CUX1: variants seen among roughly 807,000 people sequenced by gnomAD.
CUX1 encodes the protein cut like homeobox 1, also known as protein CASP.
In CUX1, 31 loss-of-function variants were observed where a neutral mutation model predicts 158.8. The observed-to-expected ratio is 0.20, with a 90% CI of 0.15 to 0.26. The LOEUF (loss-of-function observed/expected upper bound fraction) is 0.26, where lower values mean the gene tolerates loss of function less well. Among genes scored for constraint, CUX1 ranks in the 10% least tolerant of loss-of-function variants. The probability of loss-of-function intolerance (pLI) is 1.00; values close to 1 mark genes in which losing one functional copy is unlikely to be tolerated. For synonymous variants in CUX1, 879 were observed against 862.1 expected (o/e 1.02, Z -0.34); for missense variants, 1,589 against 2,014.6 (o/e 0.79, Z 4.04).
intron 1 of CUX1, among the ~76,000 whole-genome samples, chr7:101,833,282 C>T (rs1348534136): frequency 6.6e-6 from 1 of 151,030 alleles, no homozygotes; most frequent in Non-Finnish European, 1.5e-5. Flanking sequence ...AGCATGGTGG[C>T]TCACACCTGT....
intron 20 of CUX1, among the ~76,000 whole-genome samples, chr7:102,222,039 G>A (rs1422059554): frequency 5.3e-5 from 8 of 152,126 alleles, no homozygotes; most frequent in East Asian, 1.9e-4. Context: ...TGGGTGGTTC[G>A]CTGGAGCCCA....
intron 3 of CUX1, among the ~76,000 whole-genome samples, chr7:102,032,641 C>G (rs1459661717): frequency 2.6e-5 from 4 of 151,218 alleles, no homozygotes; most frequent in Non-Finnish European, 5.9e-5. Context: ...CCACTGTACT[C>G]TAGCCTGGGT....
intron 1 of CUX1, among the ~76,000 whole-genome samples, chr7:101,848,051 CAAAA>C (rs57428019): frequency 7.8e-3 from 513 of 65,374 alleles, no homozygotes; most frequent in Non-Finnish European, 0.01. Flanking sequence ...GAGCAAGACT[CAAAA>C]AAAAAAAAAA....
In CUX1 at chr7:102,111,851, C is replaced by T. The variant is rs183577628; in HGVS notation, c.607+77C>T. 7.7e-6 allele frequency: 10 copies of T among 1,295,104 alleles called. No individual in the cohort carries two copies. In the East Asian group the frequency reaches 1.7e-4, roughly 22 times the overall value. The allele number at this position is 1,295,104 out of a possible 1,614,324, so 80.2% of individuals were successfully genotyped here. A position where few individuals can be genotyped will look rare whatever the true frequency, so the allele number is the denominator to read the frequency against. On this transcript the variant is annotated intron_variant, in intron 7 of 23. Transcript: ENST00000292535. ...GAGTTGGGTCAGCCCCTGACCGCCC[C>T]GGTCCCCGCGGATACCTGTTGCTCT...
chr7:102,202,052 A>T lies in CUX1; in HGVS notation c.2755A>T (p.Met919Leu), dbSNP rs782173137. Reference protein sequence around the residue: ...SPLPSSPIVPMSKPTKPSVPP... With the variant: ...SPLPSSPIVPLSKPTKPSVPP... ...CCTGCCATCCTCCCCGATCGTGCCC[A>T]TGTCCAAGCCCACCAAGCCCTCGGT... Residue 919 changes from methionine (M) to leucine (L), a missense_variant, in exon 18 of 24, where the codon ATG becomes TTG. Around this residue, in one of 8 missense-constraint regions of CUX1, gnomAD observed 337 missense variants for 409.3 expected, o/e 0.82. Transcript: ENST00000292535. The T allele has an allele frequency of 1.3e-4, 203 of 1,613,958 alleles. No homozygotes were observed. The highest frequency in any genetic ancestry group is 1.7e-4 in the Non-Finnish European group (200 of 1,179,996).
chr7:101,982,395 CAG>C (rs1038630828), intron 2 of CUX1, among the ~76,000 whole-genome samples: 8 of 152,130 alleles, frequency 5.3e-5, no homozygotes, highest in African/African-American at 1.9e-4. Flanking sequence ...ACCTGCAAAA[CAG>C]GGACAGTTTT....
intron 15 of CUX1, among the ~76,000 whole-genome samples, chr7:102,198,500 TG>T (rs1439378345): frequency 6.6e-6 from 1 of 152,244 alleles, no homozygotes; most frequent in Non-Finnish European, 1.5e-5. Flanking sequence ...AGCTTTGTTC[TG>T]GGGGCTGGCG....
At position 102,253,925 on chromosome 7, in the gene CUX1, C is replaced by G. The variant is rs905317864; in HGVS notation, c.*4883C>G. 30 of 985,540 alleles carry G rather than the reference C, an allele frequency of 3.0e-5. No individual in the cohort carries two copies. The African/African-American group carries it at 5.2e-4, about 17-fold the overall frequency. The allele number at this position is 985,540 out of a possible 1,614,324, so 61.0% of individuals were successfully genotyped here. On this transcript the variant is annotated 3_prime_UTR_variant, in exon 24 of 24. Transcript: ENST00000292535. The stretch of plus-strand genomic sequence containing the variant: ...CCCTCTTCTTCACACTCCTCATTGT[C>G]CCTTCTACCTCACTAACCTGTCTTC...
chr7:101,885,692 C>G (rs1800150792), intron 1 of CUX1, among the ~76,000 whole-genome samples: 1 of 152,220 alleles, frequency 6.6e-6, no homozygotes, highest in Non-Finnish European at 1.5e-5. Flanking sequence ...GAGCACAGAG[C>G]AGGCATGGCC....
At chr7:102,013,696 G>A (rs1444495625) in intron 2 of CUX1, among the ~76,000 whole-genome samples, 3 of 152,062 alleles carry the variant, frequency 2.0e-5, no homozygotes, top group African/African-American at 4.8e-5. Context: ...ATATGCAAAC[G>A]CTTCTCATTT....
At chr7:101,840,265 C>G (rs746367586) in intron 1 of CUX1, among the ~76,000 whole-genome samples, 4 of 152,150 alleles carry the variant, frequency 2.6e-5, no homozygotes, top group Non-Finnish European at 5.9e-5. Context: ...CTGATTCTTA[C>G]AGTGGAGTGA....
chr7:102,028,257 C>G, intron 3 of CUX1, 112 bp downstream of exon 3: 1 of 1,092,636 alleles, frequency 9.2e-7, no homozygotes, highest in Non-Finnish European at 1.4e-6. Flanking sequence ...ATGGTGCCTT[C>G]CCGGCTGCTC....
intron 4 of CUX1, among the ~76,000 whole-genome samples, chr7:102,085,307 G>A (rs758746003): frequency 1.3e-5 from 2 of 152,094 alleles, no homozygotes; most frequent in Admixed American, 6.6e-5. Flanking sequence ...TTTTACTGAG[G>A]ACTTTTGCCG....
intron 3 of CUX1, among the ~76,000 whole-genome samples, chr7:102,052,109 T>C (rs1035559706): frequency 2.0e-5 from 3 of 151,838 alleles, no homozygotes; most frequent in African/African-American, 7.3e-5. Flanking sequence ...TAATCCCAGC[T>C]ACTCAGGAGA....
Position 101,957,782 on chromosome 7 carries a change from CAAT to C in CUX1, c.141+41560_141+41562del, listed in dbSNP as rs1809951665. ...AGAATGTTACTTTTTAATTTGAAAACAATAAGAAAATGTCCAAGTCTGCAAAAT... is the reference window on the plus strand; with the variant it reads ...AGAATGTTACTTTTTAATTTGAAAACAAGAAAATGTCCAAGTCTGCAAAAT... On this transcript the variant is annotated intron_variant, in intron 2 of 23. Coordinates refer to ENST00000292535, the MANE Select transcript of CUX1 (RefSeq NM_181552.4). Among the ~76,000 whole-genome samples, 4 of 152,066 alleles carry C rather than the reference CAAT, an allele frequency of 2.6e-5. No homozygotes were observed. The South Asian group carries it at 8.3e-4, about 32-fold the overall frequency.
intron 20 of CUX1, among the ~76,000 whole-genome samples, chr7:102,221,208 A>T (rs1192385755): frequency 6.6e-6 from 1 of 152,258 alleles, no homozygotes; most frequent in Non-Finnish European, 1.5e-5. Flanking sequence ...CGCCAGTTAA[A>T]TAATGTTTGG....
chr7:102,253,338 G>C lies in CUX1; in HGVS notation c.*4296G>C. 4.1e-6 allele frequency: 4 copies of C among 985,470 alleles called. No homozygotes were observed. The highest frequency in any genetic ancestry group is 3.6e-6 in the Non-Finnish European group (3 of 829,956). The allele number at this position is 985,470 out of a possible 1,614,324, so 61.0% of individuals were successfully genotyped here. A position where few individuals can be genotyped will look rare whatever the true frequency, so the allele number is the denominator to read the frequency against. On this transcript the variant is annotated 3_prime_UTR_variant, in exon 24 of 24. Coordinates refer to ENST00000292535, the MANE Select transcript of CUX1 (RefSeq NM_181552.4). ...TGCAGCTCATGACCAGTTTACACAG[G>C]CTGCAAAGAGATCGCTGTGGGCCTC... is the stretch of plus-strand genomic sequence containing the variant.
chr7:101,953,473 C>A (rs1809357972), intron 2 of CUX1, among the ~76,000 whole-genome samples: 1 of 152,040 alleles, frequency 6.6e-6, no homozygotes, highest in Admixed American at 6.6e-5. Context: ...TTTACCTTGC[C>A]CCTTTTTAAA....
At chr7:102,122,546 C>T (rs1554493807) in intron 8 of CUX1, among the ~76,000 whole-genome samples, 1 of 152,106 alleles carries the variant, frequency 6.6e-6, no homozygotes, top group Non-Finnish European at 1.5e-5. Flanking sequence ...GTAGTAACAC[C>T]AGCTGTCTTG....
Sources: gnomAD v4.1 joint callset for allele counts (sites outside exome capture counted in the v4.1 genomes callset) on GRCh38, gnomAD v4.1.1 for gene constraint, gnomAD v4.1.1 regional missense constraint, MANE v1.5 for transcripts, NCBI Gene and HGNC (gene_info 2026-07-23, HGNC 2026-07-21) for gene names.